Variants in SYNE1 observed in about 807,000 individuals in gnomAD.
SYNE1 encodes the protein nesprin-1.
SYNE1 carries 616 observed loss-of-function variants against 1,111.0 expected under a neutral mutation model. The observed-to-expected ratio is 0.55, with a 90% CI of 0.52 to 0.59. The LOEUF (loss-of-function observed/expected upper bound fraction) is 0.59. Among genes scored for constraint, SYNE1 ranks in the 20% least tolerant of loss-of-function variants. The pLI is 0.00. For synonymous variants in SYNE1, 3,855 were observed against 3,825.8 expected (o/e 1.01, Z -0.28); for missense variants, 10,006 against 10,417.0 (o/e 0.96, Z 1.72).
Position 152,483,282 on chromosome 6 carries a change from T to C in SYNE1, c.1186-33A>G, listed in dbSNP as rs369247104. 3.8e-5 allele frequency: 61 copies of C among 1,588,966 alleles called. 1 individual carries two copies. In the African/African-American group the frequency reaches 7.1e-4, roughly 19 times the overall value. ...TTAAAAAGCAGAAAAGTAAAATATCTTTAATACAGATGGCAATTTATAAAA... is the reference window on the plus strand; with the variant it reads ...TTAAAAAGCAGAAAAGTAAAATATCCTTAATACAGATGGCAATTTATAAAA... On this transcript the variant is annotated intron_variant, in intron 13 of 145. Coordinates refer to ENST00000367255, the MANE Select transcript of SYNE1 (RefSeq NM_182961.4).
At chr6:152,579,846 C>T (rs2099513392) in intron 3 of SYNE1, among the ~76,000 whole-genome samples, 1 of 152,148 alleles carries the variant, frequency 6.6e-6, no homozygotes, top group African/African-American at 2.4e-5. Flanking sequence ...CTGTAAATAA[C>T]ATGATTTCAT....
intron 84 of SYNE1, 45 bp from the exon 85 acceptor site, chr6:152,319,060 T>C: frequency 6.2e-7 from 1 of 1,610,074 alleles, no homozygotes; most frequent in Non-Finnish European, 8.5e-7. Context: ...TGGTTAAAAG[T>C]GAATAATAGA....
chr6:152,623,709 T>C (rs2099680356), intron 3 of SYNE1, among the ~76,000 whole-genome samples: 1 of 152,042 alleles, frequency 6.6e-6, no homozygotes, highest in Non-Finnish European at 1.5e-5. Flanking sequence ...GCAAAAAACA[T>C]GAACAGACAC....
At chr6:152,612,564 A>G (rs541154244) in intron 3 of SYNE1, among the ~76,000 whole-genome samples, 1 of 152,348 alleles carries the variant, frequency 6.6e-6, no homozygotes, top group Non-Finnish European at 1.5e-5. Flanking sequence ...GAATTCTACC[A>G]GAAGTACAAA....
chr6:152,143,965 TGA>T, intron 137 of SYNE1, 200 bp from the exon 138 acceptor site: 1 of 705,616 alleles, frequency 1.4e-6, no homozygotes, highest in African/African-American at 1.8e-5. Flanking sequence ...GGTGCTTGAC[TGA>T]GAGCCCTAGC....
At chr6:152,490,513 T>C (rs1191652597) in intron 11 of SYNE1, among the ~76,000 whole-genome samples, 1 of 152,212 alleles carries the variant, frequency 6.6e-6, no homozygotes, top group Non-Finnish European at 1.5e-5. Context: ...ATTCTTTCTC[T>C]GGACAATGAA....
chr6:152,179,321 A>G (rs2067284681), intron 129 of SYNE1: 1 of 152,170 alleles, frequency 6.6e-6, no homozygotes, highest in Admixed American at 6.5e-5. Context: ...TAAGATATAC[A>G]TACCTTTAAA....
chr6:152,613,137 G>A (rs2099636671), intron 3 of SYNE1, among the ~76,000 whole-genome samples: 1 of 152,194 alleles, frequency 6.6e-6, no homozygotes, highest in Admixed American at 6.5e-5. Flanking sequence ...AGTGTTGGAA[G>A]TTCTGGCCAG....
intron 39 of SYNE1, among the ~76,000 whole-genome samples, chr6:152,424,730 T>G (rs2098325419): frequency 6.6e-6 from 1 of 152,250 alleles, no homozygotes; most frequent in African/African-American, 2.4e-5. Flanking sequence ...TTATTGCTGC[T>G]ATTTCCAGCA....
rs1179580257 is a variant in SYNE1 at position 152,376,657 on chromosome 6, C to T, written c.9147-99G>A. On this transcript the variant is annotated intron_variant, in intron 57 of 145. Coordinates refer to ENST00000367255, the MANE Select transcript of SYNE1 (RefSeq NM_182961.4). ...ACCAGTTCTTAGAATGTGCACTTAC[C>T]TCACTTAGTAATATATTTAATGCTG... The T allele has an allele frequency of 3.9e-6, 6 of 1,556,460 alleles. No homozygotes were observed. The East Asian group carries it at 1.4e-4, about 36-fold the overall frequency.
In SYNE1 at chr6:152,260,020, TG is replaced by T. The variant is rs539888531; in HGVS notation, c.18972+2011del. Among the ~76,000 whole-genome samples the T allele has an allele frequency of 1.5e-4, 23 of 152,116 alleles. No individual in the cohort carries two copies. The South Asian group carries it at 4.8e-3, about 32-fold the overall frequency. ...AAGCACAGCATGGAGGACGCTGGAG[TG>T]TCGGCTCCAACTGAGAGCAAAAGCA... On this transcript the variant is annotated intron_variant, in intron 101 of 145. Coordinates refer to ENST00000367255, the MANE Select transcript of SYNE1 (RefSeq NM_182961.4).
intron 100 of SYNE1, among the ~76,000 whole-genome samples, chr6:152,263,726 T>A (rs1201403567): frequency 6.6e-6 from 1 of 152,064 alleles, no homozygotes; most frequent in African/African-American, 2.4e-5. Flanking sequence ...GAGACAGACC[T>A]GGATTATGAC....
intron 112 of SYNE1, among the ~76,000 whole-genome samples, chr6:152,233,270 A>G (rs2083203525): frequency 6.6e-6 from 1 of 152,120 alleles, no homozygotes; most frequent in African/African-American, 2.4e-5. Context: ...ACACCCACAT[A>G]CACACATTAA....
chr6:152,625,609 T>C (rs2128954679), intron 3 of SYNE1, among the ~76,000 whole-genome samples: 1 of 152,350 alleles, frequency 6.6e-6, no homozygotes, highest in Admixed American at 6.5e-5. Flanking sequence ...TCTAACTTTG[T>C]CAGGTACCCT....
At position 152,362,234 on chromosome 6, in the gene SYNE1, A is replaced by G. The variant is rs1161846601; in HGVS notation, c.10235T>C (p.Leu3412Pro). ...SGWMDSMEAN[L>P]NESERQHAEL... ...CGCATGCTGCCTTTCTGATTCATTCAGGTTGGCTTCCATACTATCCATCCA... is the reference window on the plus strand; with the variant it reads ...CGCATGCTGCCTTTCTGATTCATTCGGGTTGGCTTCCATACTATCCATCCA... The change falls in exon 64 of 146, where the codon CTG (leucine) becomes CCG (proline). Residue 3412 changes from leucine (L) to proline (P), a missense_variant. Leu to Pro is a moderately conservative substitution (Grantham distance 98). This residue lies in a region of SYNE1 where 4,955 missense variants were observed against 5,017.2 expected (regional missense o/e 0.99). Transcript: ENST00000367255. The G allele has an allele frequency of 6.2e-7, 1 of 1,614,098 alleles. No individual in the cohort carries two copies. Among genetic ancestry groups the G allele is most frequent in the Non-Finnish European group, 8.5e-7 (1 of 1,180,048 alleles).
chr6:152,450,980 T>C (rs1049297011), intron 26 of SYNE1, 67 bp downstream of exon 26: 4 of 1,608,586 alleles, frequency 2.5e-6, no homozygotes, highest in Non-Finnish European at 3.4e-6. Context: ...ACCAAAATAT[T>C]AGTAATATCC....
chr6:152,497,730 G>A (rs115621118), intron 11 of SYNE1, among the ~76,000 whole-genome samples: 3,471 of 152,248 alleles, frequency 0.023, 151 homozygotes, highest in African/African-American at 0.079. Flanking sequence ...GAAGGATGTC[G>A]CTATTTATAT....
chr6:152,503,811 A>C (rs543486271), intron 9 of SYNE1, among the ~76,000 whole-genome samples: 1 of 152,186 alleles, frequency 6.6e-6, no homozygotes, highest in African/African-American at 2.4e-5. Flanking sequence ...AGGAAATATG[A>C]AAGTGGAAAG....
intron 98 of SYNE1, among the ~76,000 whole-genome samples, chr6:152,274,341 CT>C (rs1485721301): frequency 6.6e-6 from 1 of 152,120 alleles, no homozygotes; most frequent in Non-Finnish European, 1.5e-5. Flanking sequence ...ATTTATATTT[CT>C]TTTCCTGTGA....
Sources: allele counts gnomAD v4.1 joint callset (sites outside exome capture counted in the v4.1 genomes callset), GRCh38; gene constraint gnomAD v4.1.1; regional missense constraint gnomAD v4.1.1; transcripts MANE v1.5; gene names NCBI Gene and HGNC (gene_info 2026-07-23, HGNC 2026-07-21).